CTHRC1: variants seen among roughly 807,000 people sequenced by gnomAD.
The protein encoded by CTHRC1 is collagen triple helix repeat containing 1, also known as collagen triple helix repeat-containing protein 1.
Under a neutral mutation model 25.9 loss-of-function variants are expected in CTHRC1, and 21 were observed. That is an observed-to-expected ratio of 0.81 (90% CI 0.57 to 1.17). CTHRC1 has a LOEUF of 1.17. CTHRC1 is among the 50% of genes most tolerant of loss of function. The pLI is 0.00. For missense variants in CTHRC1, 281 were observed against 304.3 expected, an observed-to-expected ratio of 0.92 and a Z score of 0.57; for synonymous variants, 109 against 113.1, an observed-to-expected ratio of 0.96 and a Z score of 0.23.
Position 103,382,815 on chromosome 8 carries a change from A to C in CTHRC1, c.*215A>C, listed in dbSNP as rs573612540. On this transcript the variant is annotated 3_prime_UTR_variant, in exon 4 of 4. Coordinates refer to ENST00000330295, the MANE Select transcript of CTHRC1 (RefSeq NM_138455.4). ...TCAATATTTTTTTTAGTTGGTTAGAATACTTTCTTCATAGTCACATTCTCT... is the reference window on the plus strand; with the variant it reads ...TCAATATTTTTTTTAGTTGGTTAGACTACTTTCTTCATAGTCACATTCTCT... 6 of 530,396 alleles carry C rather than the reference A, an allele frequency of 1.1e-5. No individual in the cohort carries two copies. In the Admixed American group the frequency reaches 1.5e-4, roughly 14 times the overall value. The allele number at this position is 530,396 out of a possible 1,614,324, so 32.9% of individuals were successfully genotyped here. A position where few individuals can be genotyped will look rare whatever the true frequency, so the allele number is the denominator to read the frequency against.
intron 2 of CTHRC1, among the ~76,000 whole-genome samples, chr8:103,377,706 C>T (rs1409214173): frequency 2.0e-5 from 3 of 152,180 alleles, no homozygotes; most frequent in South Asian, 2.1e-4. Context: ...TGGGTTCAAG[C>T]GATTCTCACG....
At chr8:103,380,146 AG>A (rs1438717483) in intron 3 of CTHRC1, among the ~76,000 whole-genome samples, 1 of 152,240 alleles carries the variant, frequency 6.6e-6, no homozygotes, top group Non-Finnish European at 1.5e-5. Flanking sequence ...AAATTTGATT[AG>A]GAAGTGATAT....
chr8:103,375,446 T>C (rs1815787270), intron 1 of CTHRC1, among the ~76,000 whole-genome samples: 1 of 152,216 alleles, frequency 6.6e-6, no homozygotes, highest in African/African-American at 2.4e-5. Context: ...TACAGCTATT[T>C]AAAATTGTGT....
intron 1 of CTHRC1, 119 bp from the exon 2 acceptor site, chr8:103,375,619 G>A (rs935496868): frequency 1.1e-5 from 9 of 816,854 alleles, no homozygotes; most frequent in Non-Finnish European, 2.0e-5. Context: ...TAGAACACGG[G>A]CATGTGGTAT....
chr8:103,378,058 G>C lies in CTHRC1; in HGVS notation c.404G>C (p.Ser135Thr). ...ECTFTKMRSN[S>T]ALRVLFSGSL... ...ACATTTACAAAGATGCGTTCAAATA[G>C]TGCTCTAAGAGTTTTGTTCAGTGGC... is the stretch of plus-strand genomic sequence containing the variant. Residue 135 changes from serine (S) to threonine (T), a missense_variant, in exon 3 of 4, where the codon AGT (serine) becomes ACT (threonine). By Grantham distance (58) the Ser-to-Thr change is moderately conservative (BLOSUM62 1). Coordinates refer to ENST00000330295, the MANE Select transcript of CTHRC1 (RefSeq NM_138455.4). 1 of 1,614,052 alleles carries C rather than the reference G, an allele frequency of 6.2e-7. No individual in the cohort carries two copies. Among genetic ancestry groups the C allele is most frequent in the South Asian group, 1.1e-5 (1 of 91,088 alleles).
chr8:103,375,109 C>T (rs926489006), intron 1 of CTHRC1, among the ~76,000 whole-genome samples: 5 of 152,214 alleles, frequency 3.3e-5, no homozygotes, highest in African/African-American at 4.8e-5. Context: ...GAAATGTTAT[C>T]CAAGCACTGC....
At chr8:103,374,806 C>T (rs1233609154) in intron 1 of CTHRC1, among the ~76,000 whole-genome samples, 3 of 152,136 alleles carry the variant, frequency 2.0e-5, no homozygotes, top group African/African-American at 7.2e-5. Flanking sequence ...AAGTAAGACT[C>T]TTTATTATTA....
chr8:103,373,690 T>C (rs1325115934), intron 1 of CTHRC1, among the ~76,000 whole-genome samples: 1 of 147,586 alleles, frequency 6.8e-6, no homozygotes, highest in Admixed American at 6.9e-5. Context: ...GCATCGTTTG[T>C]ACATACTAGA....
rs201468963 is a variant in CTHRC1, at chr8:103,375,746, A to G, written c.159A>G (p.Gly53=). ...RQREVVDLYN[G]MCLQGPAGVP... is the part of the protein sequence containing the mutation. ...TTTCTTTCTCATTATAGTATAATGG[A>G]ATGTGCTTACAAGGGCCAGCAGGAG... The change falls in exon 2 of 4, where the codon GGA becomes GGG. Residue 53 remains glycine, a synonymous_variant. Transcript: ENST00000330295. The G allele has an allele frequency of 6.2e-7, 1 of 1,613,670 alleles. No individual in the cohort carries two copies. The highest frequency in any genetic ancestry group is 1.3e-5 in the African/African-American group (1 of 74,998).
At position 103,382,479 on chromosome 8, in the gene CTHRC1, T is replaced by C. The variant is rs751608144; in HGVS notation, c.611T>C (p.Ile204Thr). The C allele has an allele frequency of 4.3e-6, 7 of 1,613,876 alleles. No individual in the cohort carries two copies. The highest frequency in any genetic ancestry group is 1.3e-5 in the African/African-American group (1 of 75,046). The change falls in exon 4 of 4, where the codon ATT becomes ACT. Residue 204 changes from isoleucine (I) to threonine (T), a missense_variant. Physicochemically the swap from Ile to Thr is moderately conservative, Grantham distance 89. Transcript: ENST00000330295. ...GCAGTGGAAGGACTTTGTGAAGGAA[T>C]TGGTGCTGGATTAGTGGATGTTGCT... ...TSSVEGLCEGIGAGLVDVAIW... is the reference protein window; with the variant it reads ...TSSVEGLCEGTGAGLVDVAIW...
intron 3 of CTHRC1, among the ~76,000 whole-genome samples, chr8:103,381,897 C>T (rs935143090): frequency 2.6e-5 from 4 of 151,798 alleles, no homozygotes; most frequent in Admixed American, 2.6e-4. Flanking sequence ...ACTCAGGAGG[C>T]TGAGACAGGA....
chr8:103,372,330 C>T, intron 1 of CTHRC1: 1 of 865,782 alleles, frequency 1.2e-6, no homozygotes, highest in Non-Finnish European at 1.7e-6. Context: ...CCGTCCAACT[C>T]TTTGTAACTT....
In CTHRC1 at chr8:103,382,593, C is replaced by A; in HGVS notation, c.725C>A (p.Pro242Gln). 1.2e-6 allele frequency: 2 copies of A among 1,612,050 alleles called. No individual in the cohort carries two copies. Among genetic ancestry groups the A allele is most frequent in the Non-Finnish European group, 1.7e-6 (2 of 1,178,296 alleles). Residue 242 changes from proline (P) to glutamine (Q), a missense_variant, in exon 4 of 4, where the codon CCA (proline) becomes CAA (glutamine). Pro to Gln is a moderately conservative substitution (Grantham distance 76, BLOSUM62 -1). Transcript: ENST00000330295. Reference sequence around the variant, plus strand: ...TCTCGCATCATTATTGAAGAACTACCAAAATAAATGCTTTAATTTTCATTT... The same window carrying A: ...TCTCGCATCATTATTGAAGAACTACAAAAATAAATGCTTTAATTTTCATTT... ...SVSRIIIEEL[P>Q]K
intron 2 of CTHRC1, among the ~76,000 whole-genome samples, chr8:103,376,764 G>A (rs1314014102): frequency 6.6e-6 from 1 of 152,166 alleles, no homozygotes; most frequent in Non-Finnish European, 1.5e-5. Context: ...ATTTTAAGAT[G>A]CACTCTGTGT....
At chr8:103,376,554 T>C (rs1815810622) in intron 2 of CTHRC1, among the ~76,000 whole-genome samples, 1 of 152,214 alleles carries the variant, frequency 6.6e-6, no homozygotes, top group East Asian at 1.9e-4. Context: ...AATGTTTCAG[T>C]CACTTTGATT....
At position 103,371,655 on chromosome 8, in the gene CTHRC1, C is replaced by T. The variant is rs1392903548; in HGVS notation, c.-2C>T. On this transcript the variant is annotated 5_prime_UTR_variant, in exon 1 of 4. Transcript: ENST00000330295. ...CTCCGCGCTGCCCGGCAGCCGGGAG[C>T]CATGCGACCCCAGGGCCCCGCCGCC... 7.2e-6 allele frequency: 11 copies of T among 1,533,498 alleles called. No homozygotes were observed. Among genetic ancestry groups the T allele is most frequent in the Middle Eastern group, 2.3e-4 (1 of 4,312 alleles). The allele number at this position is 1,533,498 out of a possible 1,614,324, so 95.0% of individuals were successfully genotyped here.
Position 103,371,644 on chromosome 8 carries a change from G to T in CTHRC1, c.-13G>T, listed in dbSNP as rs757992045. 35 of 1,530,146 alleles carry T rather than the reference G, an allele frequency of 2.3e-5. No homozygotes were observed. The highest frequency in any genetic ancestry group is 2.9e-5 in the Non-Finnish European group (33 of 1,140,196). The allele number at this position is 1,530,146 out of a possible 1,614,324, so 94.8% of individuals were successfully genotyped here. A position where few individuals can be genotyped will look rare whatever the true frequency, so the allele number is the denominator to read the frequency against. On this transcript the variant is annotated 5_prime_UTR_variant, in exon 1 of 4. Transcript: ENST00000330295. Reference sequence around the variant, plus strand: ...TCCGCCTCCAGCTCCGCGCTGCCCGGCAGCCGGGAGCCATGCGACCCCAGG... The same window carrying T: ...TCCGCCTCCAGCTCCGCGCTGCCCGTCAGCCGGGAGCCATGCGACCCCAGG...
chr8:103,374,172 T>A (rs1254650487), intron 1 of CTHRC1, among the ~76,000 whole-genome samples: 1 of 152,142 alleles, frequency 6.6e-6, no homozygotes, highest in African/African-American at 2.4e-5. Flanking sequence ...AAAAAGTCAT[T>A]TATCAAACCA....
chr8:103,377,924 A>G, intron 2 of CTHRC1, 103 bp from the exon 3 acceptor site: 3 of 1,037,558 alleles, frequency 2.9e-6, no homozygotes, highest in South Asian at 2.6e-5. Context: ...TTTTAAATAC[A>G]TTTTGGGGAA....
Sources: gnomAD v4.1 joint callset for allele counts (sites outside exome capture counted in the v4.1 genomes callset) on GRCh38, gnomAD v4.1.1 for gene constraint, MANE v1.5 for transcripts, NCBI Gene and HGNC (gene_info 2026-07-23, HGNC 2026-07-21) for gene names.